Variants in CCSER1 observed in about 807,000 individuals in gnomAD.
The protein encoded by CCSER1 is coiled-coil serine rich protein 1.
In CCSER1, 41 loss-of-function variants were observed where a neutral mutation model predicts 82.0. The observed-to-expected ratio is 0.50, with a 90% CI of 0.39 to 0.65. The LOEUF (loss-of-function observed/expected upper bound fraction) is 0.65, where lower values mean the gene tolerates loss of function less well. Ranked by LOEUF, CCSER1 falls within the 30% of genes least tolerant of loss-of-function variation. The pLI, the probability that CCSER1 is intolerant of heterozygous loss-of-function variation, is 0.00. For missense variants in CCSER1, 1,119 were observed against 1,064.2 expected, an observed-to-expected ratio of 1.05 and a Z score of -0.72; for synonymous variants, 414 against 383.9, an observed-to-expected ratio of 1.08 and a Z score of -0.92.
rs368597403 is a variant in CCSER1, at chr4:90,622,729, G to A, written c.1725-5296G>A. ...GTGAATAGTGCCACAATAAACATAC[G>A]TGTGCATGTGTCTTTATAGCAGCAT... is the stretch of plus-strand genomic sequence containing the variant. On this transcript the variant is annotated intron_variant, in intron 5 of 10. Coordinates refer to ENST00000509176, the MANE Select transcript of CCSER1 (RefSeq NM_001145065.2). 6.9e-3 allele frequency among the ~76,000 whole-genome samples: 1,044 copies of A among 152,126 alleles called. 13 individuals are homozygous for A. The highest frequency in any genetic ancestry group is 0.023 in the African/African-American group (955 of 41,476).
chr4:90,242,304 C>T (rs1350763415), intron 1 of CCSER1, among the ~76,000 whole-genome samples: 1 of 151,850 alleles, frequency 6.6e-6, no homozygotes, highest in Admixed American at 6.6e-5. Context: ...AAGACTCCGT[C>T]TCAAAAAGAA....
At chr4:90,309,663 T>C (rs1396749183) in intron 2 of CCSER1, 55 bp downstream of exon 2, 3 of 1,340,074 alleles carry the variant, frequency 2.2e-6, no homozygotes, top group Admixed American at 2.9e-5. Flanking sequence ...CATTATACTT[T>C]ATTCAGTTTT....
At chr4:91,432,626 C>T (rs1314216630) in intron 10 of CCSER1, among the ~76,000 whole-genome samples, 1 of 151,926 alleles carries the variant, frequency 6.6e-6, no homozygotes, top group Non-Finnish European at 1.5e-5. Context: ...TTATTTGCAC[C>T]TCTCTAATAA....
chr4:90,763,516 C>A (rs1009968911), intron 7 of CCSER1, among the ~76,000 whole-genome samples: 1 of 152,130 alleles, frequency 6.6e-6, no homozygotes, highest in Non-Finnish European at 1.5e-5. Context: ...GTTATCTCAA[C>A]CACAGAGTTT....
intron 4 of CCSER1, among the ~76,000 whole-genome samples, chr4:90,418,679 T>A (rs1354866308): frequency 6.6e-6 from 1 of 152,028 alleles, no homozygotes; most frequent in African/African-American, 2.4e-5. Context: ...AATTAATTCA[T>A]GTAAAATGTT....
intron 8 of CCSER1, among the ~76,000 whole-genome samples, chr4:90,883,045 T>A (rs1721577199): frequency 6.6e-6 from 1 of 152,054 alleles, no homozygotes; most frequent in African/African-American, 2.4e-5. Context: ...AAAAGCTAGG[T>A]CTAGAGAGGT....
chr4:91,149,047 G>T (rs1339918047), intron 10 of CCSER1, among the ~76,000 whole-genome samples: 1 of 152,126 alleles, frequency 6.6e-6, no homozygotes, highest in Admixed American at 6.6e-5. Flanking sequence ...GATCCTTGAG[G>T]AATTGCCACA....
intron 6 of CCSER1, among the ~76,000 whole-genome samples, chr4:90,696,434 G>T (rs1211399169): frequency 6.6e-6 from 1 of 151,960 alleles, no homozygotes; most frequent in African/African-American, 2.4e-5. Flanking sequence ...AGGTGTTTAA[G>T]TCCTGTTAAG....
At chr4:90,839,568 G>A (rs1265329434) in intron 8 of CCSER1, among the ~76,000 whole-genome samples, 1 of 152,164 alleles carries the variant, frequency 6.6e-6, no homozygotes, top group African/African-American at 2.4e-5. Context: ...CTAGAAAGCA[G>A]GTCCTAAGCC....
At chr4:91,487,910 C>T (rs967743909) in intron 10 of CCSER1, among the ~76,000 whole-genome samples, 12 of 151,470 alleles carry the variant, frequency 7.9e-5, no homozygotes, top group Non-Finnish European at 1.3e-4. Flanking sequence ...GTATACATAC[C>T]TGAAATGTTA....
intron 5 of CCSER1, among the ~76,000 whole-genome samples, chr4:90,528,621 C>A (rs1774084304): frequency 6.6e-6 from 1 of 152,160 alleles, no homozygotes; most frequent in Admixed American, 6.5e-5. Context: ...CATTTGTGAA[C>A]CATAAGTTTA....
chr4:91,401,613 T>C (rs1329872797), intron 10 of CCSER1, among the ~76,000 whole-genome samples: 2 of 152,138 alleles, frequency 1.3e-5, no homozygotes, highest in African/African-American at 4.8e-5. Context: ...GTGTTCTCAT[T>C]GTTCAATTCC....
chr4:90,264,445 A>G (rs897136913), intron 1 of CCSER1, among the ~76,000 whole-genome samples: 2 of 152,164 alleles, frequency 1.3e-5, no homozygotes, highest in Non-Finnish European at 2.9e-5. Context: ...TATTAACTTT[A>G]TAAAAAGTTA....
At chr4:90,970,283 C>A (rs1255844690) in intron 9 of CCSER1, among the ~76,000 whole-genome samples, 3 of 151,476 alleles carry the variant, frequency 2.0e-5, no homozygotes, top group African/African-American at 7.3e-5. Flanking sequence ...AAATGGTAAC[C>A]AAAAGACAGT....
intron 5 of CCSER1, among the ~76,000 whole-genome samples, chr4:90,594,133 T>C (rs1271610328): frequency 6.6e-6 from 1 of 151,958 alleles, no homozygotes; most frequent in East Asian, 1.9e-4. Flanking sequence ...GATTCTTTTT[T>C]TCCCCAGAAA....
intron 10 of CCSER1, among the ~76,000 whole-genome samples, chr4:91,207,833 T>G (rs1736469205): frequency 6.6e-6 from 1 of 151,986 alleles, no homozygotes; most frequent in Non-Finnish European, 1.5e-5. Flanking sequence ...TTGAACTAAT[T>G]TCCACTCCCA....
At chr4:91,474,789 A>ATATATATATATATATATATATTTGTG (rs1757481451) in intron 10 of CCSER1, among the ~76,000 whole-genome samples, 2 of 53,086 alleles carry the variant, frequency 3.8e-5, no homozygotes, top group Non-Finnish European at 5.2e-5. Flanking sequence ...ATATTTGTGT[A>ATATATATATATATATATATATTTGTG]TATATATATA....
chr4:91,078,653 G>A (rs943201171), intron 9 of CCSER1, among the ~76,000 whole-genome samples: 4 of 152,162 alleles, frequency 2.6e-5, no homozygotes, highest in African/African-American at 4.8e-5. Flanking sequence ...GAGGATGTAC[G>A]AACCCATCGC....
At chr4:90,489,339 TG>T (rs1296372896) in intron 5 of CCSER1, among the ~76,000 whole-genome samples, 2 of 152,144 alleles carry the variant, frequency 1.3e-5, no homozygotes, top group Admixed American at 1.3e-4. Context: ...TCTTTTGAGC[TG>T]CAAAAGAGAA....
Sources: gnomAD v4.1 joint callset for allele counts (sites outside exome capture counted in the v4.1 genomes callset) on GRCh38, gnomAD v4.1.1 for gene constraint, MANE v1.5 for transcripts, NCBI Gene and HGNC (gene_info 2026-07-23, HGNC 2026-07-21) for gene names.